The following CENPW variants were observed in gnomAD, a reference collection of about 807,000 sequenced individuals.
The protein encoded by CENPW is cancer-up-regulated gene 2 protein.
CENPW carries 3 observed loss-of-function variants against 11.1 expected under a neutral mutation model. That is an observed-to-expected ratio of 0.27 (90% CI 0.12 to 0.70). CENPW has a LOEUF of 0.70. Among genes scored for constraint, CENPW ranks in the 30% least tolerant of loss-of-function variants. The pLI is 0.77. For missense variants in CENPW, 100 were observed against 105.6 expected (o/e 0.95, Z 0.23); for synonymous variants, 38 against 42.0 (o/e 0.91, Z 0.37).
chr6:126,440,605 C>T, the CENPW span, among the ~76,000 whole-genome samples: 1 of 151,230 alleles, frequency 6.6e-6, no homozygotes, highest in African/African-American at 2.4e-5. Flanking sequence ...TAGATGTCTA[C>T]AGAAGAAAAA....
the CENPW span, among the ~76,000 whole-genome samples, chr6:126,396,775 G>T: frequency 6.6e-6 from 1 of 152,110 alleles, no homozygotes; most frequent in East Asian, 1.9e-4. Flanking sequence ...GATGATGAGT[G>T]CTTCCAGGAC....
the CENPW span, among the ~76,000 whole-genome samples, chr6:126,424,872 A>G: frequency 2.0e-5 from 3 of 152,108 alleles, no homozygotes; most frequent in Non-Finnish European, 4.4e-5. Flanking sequence ...CCTCAAAACC[A>G]GATCCCATTC....
chr6:126,346,732 G>C (rs1302378370), intron 2 of CENPW, among the ~76,000 whole-genome samples: 1 of 152,090 alleles, frequency 6.6e-6, no homozygotes, highest in African/African-American at 2.4e-5. Context: ...TCACTATCAG[G>C]AGAGCAGCAT....
chr6:126,467,782 TA>T, the CENPW span, among the ~76,000 whole-genome samples: 2 of 152,022 alleles, frequency 1.3e-5, no homozygotes, highest in Non-Finnish European at 2.9e-5. Flanking sequence ...AAATACAGTA[TA>T]AAAAGGGGCA....
the CENPW span, among the ~76,000 whole-genome samples, chr6:126,361,299 CTTTCTTTT>C: frequency 1.3e-5 from 2 of 152,066 alleles, no homozygotes; most frequent in East Asian, 1.9e-4. Flanking sequence ...CTATTTCTTT[CTTTCTTTT>C]TTTCTTTTTT....
chr6:126,346,384 T>A, intron 2 of CENPW, 66 bp downstream of exon 2: 1 of 900,552 alleles, frequency 1.1e-6, no homozygotes, highest in South Asian at 1.6e-5. Flanking sequence ...GTTCATCACC[T>A]CTCCCTGATT....
chr6:126,474,090 T>G, the CENPW span, among the ~76,000 whole-genome samples: 264 of 150,208 alleles, frequency 1.8e-3, 1 homozygote, highest in East Asian at 3.9e-3. Flanking sequence ...CATATATATA[T>G]AGAGAGAGAT....
the CENPW span, among the ~76,000 whole-genome samples, chr6:126,448,879 G>T: frequency 6.6e-6 from 1 of 151,124 alleles, no homozygotes. Flanking sequence ...AACCAATGAA[G>T]TGTTCATATA....
chr6:126,437,136 A>G, the CENPW span, among the ~76,000 whole-genome samples: 1 of 151,842 alleles, frequency 6.6e-6, no homozygotes, highest in Non-Finnish European at 1.5e-5. Flanking sequence ...AGGTCTGTAG[A>G]CAGTAATTTT....
the CENPW span, among the ~76,000 whole-genome samples, chr6:126,422,899 C>A: frequency 6.6e-6 from 1 of 152,060 alleles, no homozygotes. Context: ...ATGAACGGGG[C>A]CTTCTGAAGT....
At chr6:126,432,128 G>C in the CENPW span, among the ~76,000 whole-genome samples, 1 of 146,066 alleles carries the variant, frequency 6.8e-6, no homozygotes, top group African/African-American at 2.5e-5. Context: ...TTCATCTCCT[G>C]TTTTGAGACT....
At chr6:126,397,770 T>G in the CENPW span, among the ~76,000 whole-genome samples, 1 of 152,172 alleles carries the variant, frequency 6.6e-6, no homozygotes, top group Non-Finnish European at 1.5e-5. Context: ...ATTATCAAAC[T>G]TATCTCATTA....
the CENPW span, among the ~76,000 whole-genome samples, chr6:126,431,404 G>A: frequency 1.3e-5 from 2 of 152,150 alleles, no homozygotes; most frequent in African/African-American, 4.8e-5. Flanking sequence ...ATTTTTCCTG[G>A]CTAAACACAA....
the CENPW span, among the ~76,000 whole-genome samples, chr6:126,461,037 A>G: frequency 6.6e-6 from 1 of 151,856 alleles, no homozygotes; most frequent in African/African-American, 2.4e-5. Flanking sequence ...GAAGTTATAC[A>G]TTGGGGGAGG....
chr6:126,436,750 A>C, the CENPW span, among the ~76,000 whole-genome samples: 1 of 151,896 alleles, frequency 6.6e-6, no homozygotes, highest in Non-Finnish European at 1.5e-5. Context: ...CATTAGCCTA[A>C]ATAAATAAAA....
At chr6:126,433,006 A>G in the CENPW span, among the ~76,000 whole-genome samples, 1 of 152,140 alleles carries the variant, frequency 6.6e-6, no homozygotes, top group East Asian at 1.9e-4. Flanking sequence ...ATTTTGTGCT[A>G]GTTGTCCCAG....
chr6:126,411,879 C>T, the CENPW span, among the ~76,000 whole-genome samples: 6 of 151,746 alleles, frequency 4.0e-5, no homozygotes, highest in African/African-American at 7.3e-5. Context: ...TTCCTTCCTT[C>T]CGTCCTTCCT....
At chr6:126,463,775 C>A in the CENPW span, among the ~76,000 whole-genome samples, 1 of 151,978 alleles carries the variant, frequency 6.6e-6, no homozygotes, top group East Asian at 1.9e-4. Context: ...TAGCCCTATA[C>A]CTATTACACA....
At chr6:126,449,259 C>G in the CENPW span, among the ~76,000 whole-genome samples, 6 of 150,898 alleles carry the variant, frequency 4.0e-5, no homozygotes, top group South Asian at 2.1e-4. Context: ...AAATCATAAC[C>G]CTTATCACAC....
Sources: gnomAD v4.1 joint callset for allele counts (sites outside exome capture counted in the v4.1 genomes callset) on GRCh38, gnomAD v4.1.1 for gene constraint, MANE v1.5 for transcripts, NCBI Gene and HGNC (gene_info 2026-07-23, HGNC 2026-07-21) for gene names.